Variants in ANKS1B observed in about 807,000 individuals in gnomAD.
ANKS1B encodes the protein ankyrin repeat and sterile alpha motif domain containing 1B, also known as ankyrin repeat and sterile alpha motif domain-containing protein 1B.
Under a neutral mutation model 148.3 loss-of-function variants are expected in ANKS1B, and 36 were observed. That is an observed-to-expected ratio of 0.24 (90% CI 0.19 to 0.32). ANKS1B has a LOEUF of 0.32. Ranked by LOEUF, ANKS1B falls within the 10% of genes least tolerant of loss-of-function variation. The probability of loss-of-function intolerance (pLI) is 1.00; values close to 1 mark genes in which losing one functional copy is unlikely to be tolerated. For synonymous variants in ANKS1B, 542 were observed against 560.8 expected, an observed-to-expected ratio of 0.97 and a Z score of 0.47; for missense variants, 1,157 against 1,542.6, an observed-to-expected ratio of 0.75 and a Z score of 4.19.
chr12:98,791,206 G>A (rs2098846451), intron 22 of ANKS1B, among the ~76,000 whole-genome samples: 2 of 152,170 alleles, frequency 1.3e-5, no homozygotes, highest in South Asian at 2.1e-4. Context: ...TTAGCCGGAC[G>A]TGGTGGCGGA....
At chr12:99,349,392 C>A (rs1301120283) in intron 12 of ANKS1B, among the ~76,000 whole-genome samples, 2 of 151,810 alleles carry the variant, frequency 1.3e-5, no homozygotes, top group Non-Finnish European at 2.9e-5. Flanking sequence ...AATTAAAAGG[C>A]AGAGATTAGA....
At chr12:99,401,003 A>C (rs2094389639) in intron 11 of ANKS1B, among the ~76,000 whole-genome samples, 1 of 145,640 alleles carries the variant, frequency 6.9e-6, no homozygotes, top group African/African-American at 2.6e-5. Context: ...TTAAAAAAAT[A>C]TATAAGGTGT....
chr12:99,983,847 T>G (rs376358587), intron 1 of ANKS1B, among the ~76,000 whole-genome samples: 2 of 152,312 alleles, frequency 1.3e-5, no homozygotes, highest in Admixed American at 6.5e-5. Flanking sequence ...ATGTACAAGT[T>G]CTGCACCAGG....
chr12:98,910,492 A>C (rs1417695770), intron 17 of ANKS1B, among the ~76,000 whole-genome samples: 3 of 152,202 alleles, frequency 2.0e-5, no homozygotes, highest in Admixed American at 6.5e-5. Context: ...GAGGAAACAG[A>C]ATTAGCTTCA....
At chr12:99,235,346 C>T (rs924531725) in intron 14 of ANKS1B, among the ~76,000 whole-genome samples, 1 of 152,112 alleles carries the variant, frequency 6.6e-6, no homozygotes, top group African/African-American at 2.4e-5. Context: ...GCATGAAACA[C>T]CATTCCAGCA....
intron 17 of ANKS1B, among the ~76,000 whole-genome samples, chr12:98,951,905 A>T (rs186510815): frequency 2.5e-4 from 38 of 152,324 alleles, no homozygotes; most frequent in Non-Finnish European, 5.1e-4. Context: ...ACCTTTCATC[A>T]CAGGGCCTTT....
intron 17 of ANKS1B, among the ~76,000 whole-genome samples, chr12:98,934,531 G>A (rs2099816684): frequency 6.6e-6 from 1 of 152,050 alleles, no homozygotes. Context: ...GATAGGAATT[G>A]CATTTAATCT....
intron 17 of ANKS1B, among the ~76,000 whole-genome samples, chr12:98,888,371 C>T (rs1281199251): frequency 6.6e-6 from 1 of 152,166 alleles, no homozygotes; most frequent in Non-Finnish European, 1.5e-5. Context: ...TATTTCTCAC[C>T]TGGACTACTC....
chr12:99,557,817 C>A (rs2097293335), intron 9 of ANKS1B, among the ~76,000 whole-genome samples: 1 of 152,076 alleles, frequency 6.6e-6, no homozygotes, highest in South Asian at 2.1e-4. Context: ...TTGAAGAAGC[C>A]GTCTTTTAGA....
At chr12:99,965,373 C>G (rs1025552242) in intron 1 of ANKS1B, among the ~76,000 whole-genome samples, 1 of 152,096 alleles carries the variant, frequency 6.6e-6, no homozygotes, top group African/African-American at 2.4e-5. Flanking sequence ...AACAGCAAAC[C>G]ATGAGTCCAC....
intron 1 of ANKS1B, among the ~76,000 whole-genome samples, chr12:99,950,113 A>ATTTTTTTTTTTTTTTTTTTTTT (rs35287842): frequency 1.1e-5 from 1 of 90,550 alleles, no homozygotes; most frequent in African/African-American, 5.0e-5. Flanking sequence ...TGCTCAGTTA[A>ATTTTTTTTTTTTTTTTTTTTTT]TTTTTTTTTT....
rs114377742 is a variant in ANKS1B at position 99,731,605 on chromosome 12, A to G, written c.1128+41317T>C. Among the ~76,000 whole-genome samples the G allele has an allele frequency of 4.7e-3, 709 of 152,292 alleles. 10 individuals are homozygous for G. Among genetic ancestry groups the G allele is most frequent in the African/African-American group, 0.016 (679 of 41,558 alleles). Reference sequence around the variant, plus strand: ...AGTCTTTTTCAAAAAATGGTTCTAGACAATGAATATGGGAAAAATGAAACT... The same window carrying G: ...AGTCTTTTTCAAAAAATGGTTCTAGGCAATGAATATGGGAAAAATGAAACT... On this transcript the variant is annotated intron_variant, in intron 8 of 26. Coordinates refer to ENST00000683438, the MANE Select transcript of ANKS1B (RefSeq NM_001352186.2).
chr12:98,843,307 T>C (rs1291568018), intron 17 of ANKS1B, among the ~76,000 whole-genome samples: 2 of 152,194 alleles, frequency 1.3e-5, no homozygotes, highest in Non-Finnish European at 2.9e-5. Context: ...ACTGGATTAG[T>C]TGTCACAGGG....
At chr12:99,645,138 T>C (rs987783084) in intron 9 of ANKS1B, among the ~76,000 whole-genome samples, 5 of 152,242 alleles carry the variant, frequency 3.3e-5, no homozygotes, top group African/African-American at 1.2e-4. Context: ...ACCACAGCCA[T>C]GTTCATTATT....
chr12:99,809,313 G>A (rs999146059), intron 3 of ANKS1B, among the ~76,000 whole-genome samples: 2 of 151,558 alleles, frequency 1.3e-5, no homozygotes, highest in African/African-American at 2.4e-5. Flanking sequence ...TTCGAGTTTC[G>A]GTGAATGGCA....
intron 17 of ANKS1B, among the ~76,000 whole-genome samples, chr12:98,887,221 T>A (rs776079115): frequency 3.9e-5 from 6 of 152,228 alleles, no homozygotes; most frequent in Admixed American, 2.0e-4. Flanking sequence ...ATCTGATGTG[T>A]TTAAAACTGG....
chr12:98,859,424 T>A (rs2099587654), intron 17 of ANKS1B, among the ~76,000 whole-genome samples: 1 of 152,238 alleles, frequency 6.6e-6, no homozygotes, highest in South Asian at 2.1e-4. Flanking sequence ...TGAGTTTTAC[T>A]GTAATTCAGT....
chr12:99,051,956 C>CA (rs2099966378), intron 17 of ANKS1B, among the ~76,000 whole-genome samples: 1 of 152,176 alleles, frequency 6.6e-6, no homozygotes, highest in African/African-American at 2.4e-5. Flanking sequence ...AAGAGTAGAA[C>CA]AGAGCACTTT....
chr12:99,154,849 T>C (rs2075811891), intron 14 of ANKS1B: 2 of 1,530,844 alleles, frequency 1.3e-6, no homozygotes, highest in Admixed American at 3.9e-5. Context: ...TCCCCCTCGC[T>C]CGCTCCCCTT....
Sources: gnomAD v4.1 joint callset for allele counts (sites outside exome capture counted in the v4.1 genomes callset) on GRCh38, gnomAD v4.1.1 for gene constraint, MANE v1.5 for transcripts, NCBI Gene and HGNC (gene_info 2026-07-23, HGNC 2026-07-21) for gene names.